The following CADM2 variants were observed in gnomAD, a reference collection of about 807,000 sequenced individuals.
CADM2 encodes the protein cell adhesion molecule 2.
A neutral mutation model predicts 49.8 loss-of-function variants in CADM2; 12 were observed. The ratio of observed to expected loss-of-function variants is 0.24; its 90% CI spans 0.15 to 0.39. The LOEUF is 0.39. Ranked by LOEUF, CADM2 falls within the 10% of genes least tolerant of loss-of-function variation. CADM2 has a pLI of 1.00. For missense variants in CADM2, 378 were observed against 492.3 expected, an observed-to-expected ratio of 0.77 and a Z score of 2.20; for synonymous variants, 214 against 175.4, an observed-to-expected ratio of 1.22 and a Z score of -1.74.
chr3:85,839,087 A>G (rs2074527779), intron 3 of CADM2, among the ~76,000 whole-genome samples: 1 of 151,714 alleles, frequency 6.6e-6, no homozygotes, highest in African/African-American at 2.4e-5. Flanking sequence ...TAATATTACA[A>G]TGCCTACTTG....
intron 1 of CADM2, among the ~76,000 whole-genome samples, chr3:85,434,597 A>C (rs2036840739): frequency 6.6e-6 from 1 of 152,068 alleles, no homozygotes; most frequent in South Asian, 2.1e-4. Context: ...CAAATTATAA[A>C]TTATTTTTCT....
chr3:85,966,144 C>T (rs1267501055), intron 8 of CADM2, among the ~76,000 whole-genome samples: 1 of 151,638 alleles, frequency 6.6e-6, no homozygotes, highest in African/African-American at 2.4e-5. Context: ...ATTCTCAAAG[C>T]CTCCCTCAGG....
chr3:85,205,542 T>G (rs2107755246), intron 1 of CADM2, among the ~76,000 whole-genome samples: 1 of 152,118 alleles, frequency 6.6e-6, no homozygotes, highest in Non-Finnish European at 1.5e-5. Flanking sequence ...ATTATGTAAA[T>G]AAGAGACACT....
chr3:85,879,222 A>G (rs191960686), intron 3 of CADM2, among the ~76,000 whole-genome samples: 65 of 152,110 alleles, frequency 4.3e-4, no homozygotes, highest in African/African-American at 1.5e-3. Flanking sequence ...ATATCATGGC[A>G]TGTAGGAGAT....
At chr3:85,329,511 A>G (rs906654545) in intron 1 of CADM2, among the ~76,000 whole-genome samples, 1 of 152,078 alleles carries the variant, frequency 6.6e-6, no homozygotes, top group Non-Finnish European at 1.5e-5. Flanking sequence ...CGGAGGTTGC[A>G]GTGAGCCGAG....
At chr3:85,759,473 T>A (rs1329237139) in intron 2 of CADM2, among the ~76,000 whole-genome samples, 2 of 152,088 alleles carry the variant, frequency 1.3e-5, no homozygotes, top group Non-Finnish European at 2.9e-5. Context: ...CACTCCTACC[T>A]GGGCGTTTAA....
At chr3:85,989,058 A>T (rs1728457502) in intron 8 of CADM2, among the ~76,000 whole-genome samples, 1 of 152,176 alleles carries the variant, frequency 6.6e-6, no homozygotes, top group Non-Finnish European at 1.5e-5. Flanking sequence ...CTCTTAGTAC[A>T]ATTTTTTTCT....
At chr3:85,449,424 C>G (rs2037646980) in intron 1 of CADM2, among the ~76,000 whole-genome samples, 1 of 151,934 alleles carries the variant, frequency 6.6e-6, no homozygotes, top group Non-Finnish European at 1.5e-5. Flanking sequence ...CCTATTTATA[C>G]AGTTTGGGGA....
intron 1 of CADM2, among the ~76,000 whole-genome samples, chr3:85,624,797 G>T (rs907000663): frequency 3.3e-5 from 5 of 151,914 alleles, no homozygotes; most frequent in African/African-American, 4.8e-5. Context: ...TTTATTTTTT[G>T]ATTATTTAAT....
At chr3:85,550,888 A>G (rs1345582294) in intron 1 of CADM2, among the ~76,000 whole-genome samples, 2 of 152,128 alleles carry the variant, frequency 1.3e-5, no homozygotes, top group African/African-American at 2.4e-5. Context: ...TGTTTTGTAC[A>G]TGGCTTTCCC....
chr3:85,303,753 A>G (rs1034108878), intron 1 of CADM2, among the ~76,000 whole-genome samples: 26 of 151,904 alleles, frequency 1.7e-4, no homozygotes, highest in Admixed American at 1.6e-3. Context: ...AGAGAGTTTA[A>G]CGAAGTTTCC....
At chr3:85,696,676 A>G (rs1395208038) in intron 1 of CADM2, among the ~76,000 whole-genome samples, 1 of 152,014 alleles carries the variant, frequency 6.6e-6, no homozygotes, top group African/African-American at 2.4e-5. Context: ...GGAGGTCAGT[A>G]CATTTTTTCT....
At chr3:85,109,000 T>C (rs1402534522) in intron 1 of CADM2, among the ~76,000 whole-genome samples, 1 of 152,080 alleles carries the variant, frequency 6.6e-6, no homozygotes, top group Non-Finnish European at 1.5e-5. Context: ...ATGCAGCATA[T>C]ATTAATCTGG....
At chr3:85,976,030 C>T (rs927602684) in intron 8 of CADM2, among the ~76,000 whole-genome samples, 4 of 151,466 alleles carry the variant, frequency 2.6e-5, no homozygotes, top group Non-Finnish European at 4.4e-5. Flanking sequence ...AGTATAACTG[C>T]AGATTATCTT....
intron 2 of CADM2, among the ~76,000 whole-genome samples, chr3:85,761,380 T>TG (rs2069370197): frequency 7.0e-6 from 1 of 143,186 alleles, no homozygotes; most frequent in Non-Finnish European, 1.5e-5. Flanking sequence ...TTTTTTTTTT[T>TG]TTTTTTTTTT....
chr3:85,133,403 C>G (rs1429280259), intron 1 of CADM2, among the ~76,000 whole-genome samples: 1 of 152,178 alleles, frequency 6.6e-6, no homozygotes, highest in Non-Finnish European at 1.5e-5. Context: ...TACGTCCCCA[C>G]TAGATTAACT....
At chr3:85,086,434 A>G (rs1405500265) in intron 1 of CADM2, among the ~76,000 whole-genome samples, 1 of 151,762 alleles carries the variant, frequency 6.6e-6, no homozygotes, top group African/African-American at 2.4e-5. Context: ...AGTGTAGTAT[A>G]CTAGATGGTG....
chr3:85,801,967 G>T lies in CADM2; in HGVS notation c.89-80G>T, dbSNP rs920414156. 8 of 1,179,788 alleles carry T rather than the reference G, an allele frequency of 6.8e-6. No homozygotes were observed. In the African/African-American group the frequency reaches 1.2e-4, roughly 18 times the overall value. 73.1% of individuals were successfully genotyped at this position (1,179,788 alleles called of 1,614,324 possible). A position where few individuals can be genotyped will look rare whatever the true frequency, so the allele number is the denominator to read the frequency against. On this transcript the variant is annotated intron_variant, in intron 2 of 9. Coordinates refer to ENST00000383699, the MANE Select transcript of CADM2 (RefSeq NM_001167675.2). ...TTTTAAATTTTATTTTGCATGAGAA[G>T]TTAAGGCCAGTGTAGATCTTAGGCA...
chr3:85,978,612 TAAC>T (rs1027913391), intron 8 of CADM2, among the ~76,000 whole-genome samples: 9 of 151,566 alleles, frequency 5.9e-5, no homozygotes, highest in African/African-American at 1.9e-4. Context: ...AGAAGCAAAA[TAAC>T]AATAATAATA....
Sources: allele counts gnomAD v4.1 joint callset (sites outside exome capture counted in the v4.1 genomes callset), GRCh38; gene constraint gnomAD v4.1.1; transcripts MANE v1.5; gene names NCBI Gene and HGNC (gene_info 2026-07-23, HGNC 2026-07-21).